The following ARHGAP26 variants were observed in gnomAD, a reference collection of about 807,000 sequenced individuals.
ARHGAP26 encodes rho GTPase-activating protein 26.
A neutral mutation model predicts 104.8 loss-of-function variants in ARHGAP26; 38 were observed. The ratio of observed to expected loss-of-function variants is 0.36; its 90% CI spans 0.28 to 0.48. The LOEUF is 0.48. Among genes scored for constraint, ARHGAP26 ranks in the 20% least tolerant of loss-of-function variants. The pLI is 0.99. For missense variants in ARHGAP26, 704 were observed against 947.9 expected (o/e 0.74, Z 3.38); for synonymous variants, 341 against 340.0 (o/e 1.00, Z -0.03).
chr5:142,877,551 G>A (rs933547072), intron 3 of ARHGAP26, among the ~76,000 whole-genome samples: 4 of 152,186 alleles, frequency 2.6e-5, no homozygotes, highest in East Asian at 1.9e-4. Context: ...ATCTGCAATT[G>A]CTCATTTGAC....
At chr5:142,797,784 A>G (rs1297736765) in intron 1 of ARHGAP26, among the ~76,000 whole-genome samples, 5 of 152,190 alleles carry the variant, frequency 3.3e-5, no homozygotes, top group Non-Finnish European at 7.3e-5. Context: ...ATGATTGATA[A>G]TCTCCAAAGA....
intron 18 of ARHGAP26, among the ~76,000 whole-genome samples, chr5:143,130,832 T>A (rs1228695643): frequency 6.6e-6 from 1 of 152,244 alleles, no homozygotes; most frequent in Non-Finnish European, 1.5e-5. Flanking sequence ...AAAGTTTGTG[T>A]CGTCTGCCCT....
chr5:142,819,065 G>C (rs1317807225), intron 1 of ARHGAP26, among the ~76,000 whole-genome samples: 1 of 152,164 alleles, frequency 6.6e-6, no homozygotes, highest in African/African-American at 2.4e-5. Context: ...CAGCTAAAGA[G>C]AAGTTTATTG....
At chr5:143,000,578 G>A (rs1242876436) in intron 11 of ARHGAP26, among the ~76,000 whole-genome samples, 1 of 152,164 alleles carries the variant, frequency 6.6e-6, no homozygotes, top group South Asian at 2.1e-4. Context: ...ACATGTACAC[G>A]TATGTTTATT....
At chr5:142,780,300 T>C (rs962949110) in intron 1 of ARHGAP26, among the ~76,000 whole-genome samples, 1 of 152,166 alleles carries the variant, frequency 6.6e-6, no homozygotes, top group Admixed American at 6.5e-5. Context: ...TTGCAAGTAA[T>C]GTTGTTGTGA....
At chr5:143,041,738 A>T (rs1174293987) in intron 13 of ARHGAP26, 78 bp from the exon 14 acceptor site, 131 of 1,124,432 alleles carry the variant, frequency 1.2e-4, no homozygotes, top group Non-Finnish European at 1.6e-4. Flanking sequence ...AAAAAAAAAA[A>T]AAAGTGCATT....
rs963243842 is a variant in ARHGAP26, at chr5:142,934,524, C to G, written c.1107+2399C>G. ...TAATTTTGTCTCCCATTGCTGAAAG[C>G]CTCTAGGGGACATTACTAGAGATAT... On this transcript the variant is annotated intron_variant, in intron 11 of 22. Coordinates refer to ENST00000645722, the MANE Select transcript of ARHGAP26 (RefSeq NM_001135608.3). Among the ~76,000 whole-genome samples the G allele has an allele frequency of 1.8e-4, 27 of 152,150 alleles. 1 individual carries two copies. Among genetic ancestry groups the G allele is most frequent in the Admixed American group, 1.6e-3 (24 of 15,270 alleles).
intron 10 of ARHGAP26, among the ~76,000 whole-genome samples, chr5:142,923,878 TTG>T (rs1554155737): frequency 2.6e-4 from 37 of 142,900 alleles, no homozygotes; most frequent in African/African-American, 9.0e-4. Flanking sequence ...TTTTTTTTTT[TTG>T]ATACGGAGTC....
At chr5:142,866,356 A>G (rs181141031) in intron 1 of ARHGAP26, among the ~76,000 whole-genome samples, 137 of 152,340 alleles carry the variant, frequency 9.0e-4, no homozygotes, top group African/African-American at 3.0e-3. Context: ...CATTCCCTGC[A>G]TGATCTTGGG....
At chr5:143,014,377 G>T in intron 12 of ARHGAP26, 7 of 543,522 alleles carry the variant, frequency 1.3e-5, no homozygotes, top group Non-Finnish European at 2.3e-5. Flanking sequence ...GCATTCTCGT[G>T]TACATTATCT....
chr5:143,005,873 C>A (rs564760598), intron 11 of ARHGAP26, among the ~76,000 whole-genome samples: 7 of 152,232 alleles, frequency 4.6e-5, no homozygotes, highest in African/African-American at 1.2e-4. Context: ...TTTTATTGGG[C>A]CATTTTCTAA....
intron 20 of ARHGAP26, among the ~76,000 whole-genome samples, chr5:143,176,135 A>T (rs1170659731): frequency 6.6e-6 from 1 of 152,176 alleles, no homozygotes; most frequent in Non-Finnish European, 1.5e-5. Context: ...TAAATAAATA[A>T]ATAAATGAAA....
At chr5:143,120,932 G>T (rs926996003) in intron 17 of ARHGAP26, 56 bp from the exon 18 acceptor site, 25 of 1,541,344 alleles carry the variant, frequency 1.6e-5, no homozygotes, top group African/African-American at 2.7e-5. Context: ...AGGGTGGTTG[G>T]TATCTCTGTG....
intron 11 of ARHGAP26, among the ~76,000 whole-genome samples, chr5:142,936,685 A>G (rs1262494027): frequency 1.3e-5 from 2 of 152,224 alleles, no homozygotes; most frequent in African/African-American, 2.4e-5. Flanking sequence ...ACGTAGATCA[A>G]TGGAACAGAA....
chr5:143,010,516 T>C (rs1308757107), intron 11 of ARHGAP26, among the ~76,000 whole-genome samples: 1 of 152,228 alleles, frequency 6.6e-6, no homozygotes. Context: ...ACCCTGGGCC[T>C]TCTTTGTTGG....
chr5:142,915,564 T>C (rs1762367349), intron 10 of ARHGAP26: 1 of 152,180 alleles, frequency 6.6e-6, no homozygotes, highest in Non-Finnish European at 1.5e-5. Flanking sequence ...TTCACCGTGT[T>C]GGCTAGGCTG....
At chr5:142,993,995 A>G (rs76752703) in intron 11 of ARHGAP26, among the ~76,000 whole-genome samples, 2,162 of 152,342 alleles carry the variant, frequency 0.014, 56 homozygotes, top group African/African-American at 0.045. Context: ...TAAGATGTGC[A>G]TTGACAACAT....
chr5:142,812,248 C>T (rs1764228065), intron 1 of ARHGAP26, among the ~76,000 whole-genome samples: 1 of 152,096 alleles, frequency 6.6e-6, no homozygotes, highest in African/African-American at 2.4e-5. Context: ...TGGTCTAATA[C>T]AGAGGTATTT....
At chr5:142,940,661 G>A (rs191508643) in intron 11 of ARHGAP26, among the ~76,000 whole-genome samples, 4 of 152,214 alleles carry the variant, frequency 2.6e-5, no homozygotes, top group Admixed American at 1.3e-4. Flanking sequence ...ATAGTATTCC[G>A]TGGTGTATAT....
Sources: gnomAD v4.1 joint callset for allele counts (sites outside exome capture counted in the v4.1 genomes callset) on GRCh38, gnomAD v4.1.1 for gene constraint, MANE v1.5 for transcripts, NCBI Gene and HGNC (gene_info 2026-07-23, HGNC 2026-07-21) for gene names.